Variants in GORASP2 observed in about 807,000 individuals in gnomAD.
GORASP2 encodes the protein golgi reassembly stacking protein 2.
A neutral mutation model predicts 45.7 loss-of-function variants in GORASP2; 22 were observed. The observed-to-expected ratio is 0.48, with a 90% CI of 0.34 to 0.69. GORASP2 has a LOEUF of 0.69. GORASP2 is among the 30% of genes least tolerant of loss of function. The pLI, the probability that GORASP2 is intolerant of heterozygous loss-of-function variation, is 0.01. For missense variants in GORASP2, 491 were observed against 562.7 expected, an observed-to-expected ratio of 0.87 and a Z score of 1.29; for synonymous variants, 221 against 215.6, an observed-to-expected ratio of 1.02 and a Z score of -0.22.
chr2:170,957,683 T>G (rs1193572182), intron 7 of GORASP2, among the ~76,000 whole-genome samples: 1 of 152,240 alleles, frequency 6.6e-6, no homozygotes, highest in Non-Finnish European at 1.5e-5. Flanking sequence ...CATATTACCA[T>G]ACAATTCACC....
chr2:170,929,268 G>A lies in GORASP2; in HGVS notation c.-73G>A. The A allele has an allele frequency of 1.0e-5, 12 of 1,198,608 alleles. No individual in the cohort carries two copies. The highest frequency in any genetic ancestry group is 2.1e-5 in the South Asian group (1 of 46,578). The allele number at this position is 1,198,608 out of a possible 1,614,324, so 74.2% of individuals were successfully genotyped here. ...GCCACGTCCCAAGTGCTACGCGGAG[G>A]ATTAGAGCAGGCGGTGCGCTGGGGG... On this transcript the variant is annotated 5_prime_UTR_variant, in exon 1 of 10. Coordinates refer to ENST00000234160, the MANE Select transcript of GORASP2 (RefSeq NM_015530.5).
At chr2:170,956,008 T>C (rs990385039) in intron 6 of GORASP2, among the ~76,000 whole-genome samples, 2 of 152,242 alleles carry the variant, frequency 1.3e-5, no homozygotes, top group African/African-American at 2.4e-5. Context: ...GAGAAGTCTA[T>C]CATGTATTAA....
chr2:170,942,797 C>A (rs1174230129), intron 1 of GORASP2, among the ~76,000 whole-genome samples: 1 of 152,152 alleles, frequency 6.6e-6, no homozygotes, highest in African/African-American at 2.4e-5. Context: ...TTTTCCACAG[C>A]GGCTACACCA....
rs940545016 is a variant in GORASP2, at chr2:170,950,460, T to C, written c.435+170T>C. The stretch of plus-strand genomic sequence containing the variant: ...AATGGAACATCTGGTAGGTGTCTTA[T>C]TAGGTATAGCTGTGAGGAAAAACAC... On this transcript the variant is annotated intron_variant, in intron 4 of 9. Coordinates refer to ENST00000234160, the MANE Select transcript of GORASP2 (RefSeq NM_015530.5). Among the ~76,000 whole-genome samples the C allele has an allele frequency of 4.6e-5, 7 of 152,232 alleles. No homozygotes were observed. The East Asian group carries it at 9.6e-4, about 21-fold the overall frequency.
chr2:170,955,492 A>G (rs1184899187), intron 6 of GORASP2, among the ~76,000 whole-genome samples: 1 of 152,244 alleles, frequency 6.6e-6, no homozygotes, highest in South Asian at 2.1e-4. Flanking sequence ...ATCTCAGGGC[A>G]GTTAACTCTT....
chr2:170,933,093 A>G (rs1703866807), intron 1 of GORASP2, among the ~76,000 whole-genome samples: 1 of 152,226 alleles, frequency 6.6e-6, no homozygotes, highest in African/African-American at 2.4e-5. Context: ...ATCATTAAAT[A>G]CTTGTATAGT....
chr2:170,958,674 T>TTA (rs1491541229), intron 7 of GORASP2, among the ~76,000 whole-genome samples: 7 of 99,204 alleles, frequency 7.1e-5, no homozygotes, highest in African/African-American at 2.8e-4. Flanking sequence ...TTTTTTTTTT[T>TTA]AAAAAAAAAA....
chr2:170,960,833 G>A (rs957736265), intron 7 of GORASP2, among the ~76,000 whole-genome samples: 1 of 152,190 alleles, frequency 6.6e-6, no homozygotes, highest in Non-Finnish European at 1.5e-5. Context: ...TAGACTGCCT[G>A]CATGGTTGGT....
chr2:170,962,799 C>A lies in GORASP2; in HGVS notation c.911-40C>A, dbSNP rs372261756. On this transcript the variant is annotated intron_variant, in intron 8 of 9. Coordinates refer to ENST00000234160, the MANE Select transcript of GORASP2 (RefSeq NM_015530.5). ...ACGAGGATTTATTTCTTCCCCAGGTCAAGTGATTTCTCTTTTTTTCTTTTC... is the reference window on the plus strand; with the variant it reads ...ACGAGGATTTATTTCTTCCCCAGGTAAAGTGATTTCTCTTTTTTTCTTTTC... 1.7e-5 allele frequency: 22 copies of A among 1,308,468 alleles called. 1 individual carries two copies. Among genetic ancestry groups the A allele is most frequent in the Middle Eastern group, 3.6e-4 (2 of 5,506 alleles). 81.1% of individuals were successfully genotyped at this position (1,308,468 alleles called of 1,614,324 possible). A position where few individuals can be genotyped will look rare whatever the true frequency, so the allele number is the denominator to read the frequency against.
At chr2:170,929,128 C>T, upstream of GORASP2, 2 of 404,600 alleles carry the variant, frequency 4.9e-6, no homozygotes, top group Non-Finnish European at 8.7e-6. Flanking sequence ...AGCGCTCGGG[C>T]CCCTTCCAGT....
chr2:170,955,666 T>C lies in GORASP2; in HGVS notation c.700-770T>C, dbSNP rs770069768. ...CTGCTGGGAAGTTTCACCTCCAACATTGGCTCATGGCCAGAGCCAATATAG... is the reference window on the plus strand; with the variant it reads ...CTGCTGGGAAGTTTCACCTCCAACACTGGCTCATGGCCAGAGCCAATATAG... On this transcript the variant is annotated intron_variant, in intron 6 of 9. Coordinates refer to ENST00000234160, the MANE Select transcript of GORASP2 (RefSeq NM_015530.5). Among the ~76,000 whole-genome samples, 20 of 152,336 alleles carry C rather than the reference T, an allele frequency of 1.3e-4. 1 individual carries two copies. Among genetic ancestry groups the C allele is most frequent in the South Asian group, 6.2e-4 (3 of 4,830 alleles).
rs1704689709 is a variant in GORASP2, at chr2:170,966,430, G to C, written c.*300G>C. ...GGGGTGTGCATCTTCGGGAAAGGTG[G>C]TGGCGGGGCGTCCACTAGGTTTCCT... On this transcript the variant is annotated 3_prime_UTR_variant, in exon 10 of 10. Transcript: ENST00000234160. 2.2e-6 allele frequency: 1 copy of C among 454,866 alleles called. No homozygotes were observed. The highest frequency in any genetic ancestry group is 2.3e-5 in the South Asian group (1 of 43,010). The allele number at this position is 454,866 out of a possible 1,614,324, so 28.2% of individuals were successfully genotyped here. A position where few individuals can be genotyped will look rare whatever the true frequency, so the allele number is the denominator to read the frequency against.
intron 6 of GORASP2, among the ~76,000 whole-genome samples, chr2:170,955,419 T>C (rs1012695500): frequency 1.3e-5 from 2 of 152,194 alleles, no homozygotes; most frequent in Non-Finnish European, 2.9e-5. Flanking sequence ...AAAGTAAGAC[T>C]TTTTAAGGAA....
chr2:170,951,331 GA>G lies in GORASP2; in HGVS notation c.441del (p.Asp148IlefsTer14). 1 of 1,597,396 alleles carries G rather than the reference GA, an allele frequency of 6.3e-7. No individual in the cohort carries two copies. Among genetic ancestry groups the G allele is most frequent in the Non-Finnish European group, 8.5e-7 (1 of 1,174,376 alleles). On this transcript the variant is annotated frameshift_variant, in exon 5 of 10. Transcript: ENST00000234160. LOFTEE classifies it high-confidence loss of function. ...IGADTVMNES[E>X]DLFSLIETHE... ...TTCTCCTGTGACACTTTTGCAGTCT[GA>G]AGATCTATTCAGCCTTATCGAAACA...
At chr2:170,951,628 A>G (rs756387030) in intron 5 of GORASP2, 170 bp downstream of exon 5, 8 of 528,624 alleles carry the variant, frequency 1.5e-5, no homozygotes, top group Non-Finnish European at 1.3e-5. Context: ...TTTAAAGTAC[A>G]TATCTAGGGA....
chr2:170,958,384 A>G (rs1358784883), intron 7 of GORASP2, among the ~76,000 whole-genome samples: 1 of 152,200 alleles, frequency 6.6e-6, no homozygotes, highest in African/African-American at 2.4e-5. Context: ...ACCACAATCC[A>G]GTTTTAGAAT....
chr2:170,936,639 G>A (rs1177215018), intron 1 of GORASP2: 7 of 1,300,276 alleles, frequency 5.4e-6, no homozygotes, highest in Non-Finnish European at 7.1e-6. Context: ...ATGAGAGAAG[G>A]CTCAAGCACA....
intron 1 of GORASP2, among the ~76,000 whole-genome samples, chr2:170,945,078 A>G (rs1362510584): frequency 2.0e-5 from 3 of 152,152 alleles, no homozygotes; most frequent in African/African-American, 7.2e-5. Flanking sequence ...CAGAGTTGCC[A>G]TTTGAGAAGA....
In GORASP2 at chr2:170,965,922, T is replaced by C. The variant is rs775038924; in HGVS notation, c.1151T>C (p.Leu384Pro). 1.2e-6 allele frequency: 2 copies of C among 1,613,942 alleles called. No homozygotes were observed. The highest frequency in any genetic ancestry group is 1.7e-6 in the Non-Finnish European group (2 of 1,179,898). Residue 384 changes from leucine to proline, a missense_variant, in exon 10 of 10, where the codon CTG becomes CCG. Transcript: ENST00000234160. Reference protein sequence around the residue: ...SSSAASSGELLSSLPPTSNAP... With the variant: ...SSSAASSGELPSSLPPTSNAP... ...TCTGCAGCAAGCTCAGGAGAGCTGC[T>C]GTCTTCCCTCCCGCCCACCAGCAAC...
Sources: allele counts gnomAD v4.1 joint callset (sites outside exome capture counted in the v4.1 genomes callset), GRCh38; gene constraint gnomAD v4.1.1; transcripts MANE v1.5; gene names NCBI Gene and HGNC (gene_info 2026-07-23, HGNC 2026-07-21).